Variants in IL2RB observed in about 807,000 individuals in gnomAD.
IL2RB encodes the protein interleukin-2 receptor subunit beta.
In IL2RB, 17 loss-of-function variants were observed where a neutral mutation model predicts 44.2. The observed-to-expected ratio is 0.38, with a 90% CI of 0.26 to 0.58. The LOEUF is 0.58. Ranked by LOEUF, IL2RB falls within the 20% of genes least tolerant of loss-of-function variation. The pLI, the probability that IL2RB is intolerant of heterozygous loss-of-function variation, is 0.63. For missense variants in IL2RB, 624 were observed against 685.5 expected, an observed-to-expected ratio of 0.91 and a Z score of 1.00; for synonymous variants, 286 against 297.9, an observed-to-expected ratio of 0.96 and a Z score of 0.41.
intron 1 of IL2RB, among the ~76,000 whole-genome samples, chr22:37,146,050 C>T (rs533856897): frequency 1.3e-5 from 2 of 152,324 alleles, no homozygotes; most frequent in South Asian, 2.1e-4. Context: ...ATCCCCAGCT[C>T]TTCTCCTGTC....
At position 37,126,335 on chromosome 22, in the gene IL2RB, G is replaced by A. The variant is rs895432633; in HGVS notation, c.*1761C>T. On this transcript the variant is annotated 3_prime_UTR_variant, in exon 10 of 10. Transcript: ENST00000216223. ...GTTTATTTTGGATATAAAGGCAACA[G>A]GAATCCTGACCAAATGGTCAGCAGC... 3.9e-5 allele frequency: 6 copies of A among 152,228 alleles called. No individual in the cohort carries two copies. The highest frequency in any genetic ancestry group is 1.4e-4 in the African/African-American group (6 of 41,458). The allele number at this position is 152,228 out of a possible 1,614,324, so 9.4% of individuals were successfully genotyped here. A position where few individuals can be genotyped will look rare whatever the true frequency, so the allele number is the denominator to read the frequency against.
At chr22:37,140,562 C>T (rs1275350617) in intron 4 of IL2RB, among the ~76,000 whole-genome samples, 1 of 152,038 alleles carries the variant, frequency 6.6e-6, no homozygotes, top group Admixed American at 6.5e-5. Flanking sequence ...AGAAACCAGG[C>T]CACCTACAGA....
intron 1 of IL2RB, among the ~76,000 whole-genome samples, chr22:37,165,294 G>C (rs181105210): frequency 6.6e-6 from 1 of 152,224 alleles, no homozygotes; most frequent in Non-Finnish European, 1.5e-5. Context: ...ATGGCTGGCC[G>C]CATCTGTGCC....
chr22:37,162,259 A>T (rs1922906888), intron 1 of IL2RB, among the ~76,000 whole-genome samples: 1 of 152,200 alleles, frequency 6.6e-6, no homozygotes, highest in Non-Finnish European at 1.5e-5. Context: ...GAGTAGGACC[A>T]GTGTTGTACC....
rs141735048 is a variant in IL2RB, at chr22:37,147,993, C to T, written c.-34+1832G>A. On this transcript the variant is annotated intron_variant, in intron 1 of 9. Transcript: ENST00000216223. ...GTTTTGTGTGGGTGTCACCCCAGGT[C>T]GGGCCCAGCCTCAGGATGACCCCAT... Among the ~76,000 whole-genome samples the T allele has an allele frequency of 8.4e-3, 1,272 of 152,320 alleles. 21 individuals are homozygous for T. The highest frequency in any genetic ancestry group is 0.028 in the African/African-American group (1,163 of 41,558).
intron 8 of IL2RB, among the ~76,000 whole-genome samples, chr22:37,133,124 G>C (rs1921513325): frequency 6.6e-6 from 1 of 152,256 alleles, no homozygotes; most frequent in Admixed American, 6.5e-5. Flanking sequence ...CTGCAGCGCA[G>C]TGAGCGGCCT....
chr22:37,143,624 A>T lies in IL2RB; in HGVS notation c.100T>A (p.Phe34Ile). 6.2e-7 allele frequency: 1 copy of T among 1,613,450 alleles called. No homozygotes were observed. ...GCTCTCGAGTTGTAGAAGCATGTGA[A>T]CTGGGAAGTGCCTGCCGGGCAAGAT... Reference protein sequence around the residue: ...ASAAVNGTSQFTCFYNSRANI... With the variant: ...ASAAVNGTSQITCFYNSRANI... Residue 34 changes from phenylalanine (F) to isoleucine (I), a missense_variant, in exon 3 of 10, where the codon TTC becomes ATC. By Grantham distance (21) the Phe-to-Ile change is conservative (BLOSUM62 0). This residue lies in a region of IL2RB where 78 missense variants were observed against 70.0 expected (regional missense o/e 1.11). Transcript: ENST00000216223.
chr22:37,150,937 T>C (rs1222175966), upstream of IL2RB, among the ~76,000 whole-genome samples: 3 of 152,252 alleles, frequency 2.0e-5, no homozygotes, highest in African/African-American at 4.8e-5. Flanking sequence ...AGTACTCCAT[T>C]GCATATATGT....
At chr22:37,132,582 T>G in intron 8 of IL2RB, 114 bp from the exon 9 acceptor site, 1 of 711,530 alleles carries the variant, frequency 1.4e-6, no homozygotes, top group Non-Finnish European at 2.4e-6. Context: ...CATTTACTTA[T>G]GTATTTCTTC....
In IL2RB at chr22:37,161,580, A is replaced by G. The variant is rs559391246; in HGVS notation, c.-34+13378T>C. Among the ~76,000 whole-genome samples, 7 of 126,508 alleles carry G rather than the reference A, an allele frequency of 5.5e-5. No individual in the cohort carries two copies. In the South Asian group the frequency reaches 2.3e-3, roughly 41 times the overall value. The allele number at this position is 126,508 out of a possible 152,430, so 83.0% of individuals were successfully genotyped here. A position where few individuals can be genotyped will look rare whatever the true frequency, so the allele number is the denominator to read the frequency against. On this transcript the variant is annotated intron_variant, in intron 1 of 5. Coordinates refer to the IL2RB transcript ENST00000429622. ...TCCTTCAATCAGAAGCCTCAGCTCCAGACCTCAGGCGGGGAGAGCATGTGA... is the reference window on the plus strand; with the variant it reads ...TCCTTCAATCAGAAGCCTCAGCTCCGGACCTCAGGCGGGGAGAGCATGTGA...
intron 1 of IL2RB, among the ~76,000 whole-genome samples, chr22:37,145,595 C>T (rs1006853195): frequency 6.6e-6 from 1 of 151,936 alleles, no homozygotes; most frequent in African/African-American, 2.4e-5. Context: ...AAAGTGAGCA[C>T]ATGGTCACTT....
At chr22:37,164,278 C>G (rs550120609) in intron 1 of IL2RB, among the ~76,000 whole-genome samples, 1 of 152,218 alleles carries the variant, frequency 6.6e-6, no homozygotes, top group South Asian at 2.1e-4. Context: ...CGTCAGGGCC[C>G]AGAAGAGACC....
At chr22:37,137,321 G>C (rs1367724163) in intron 6 of IL2RB, among the ~76,000 whole-genome samples, 1 of 152,236 alleles carries the variant, frequency 6.6e-6, no homozygotes, top group Non-Finnish European at 1.5e-5. Context: ...CATGGGGCTG[G>C]GCAGCTGCCT....
intron 1 of IL2RB, among the ~76,000 whole-genome samples, chr22:37,158,332 G>A (rs889331036): frequency 2.0e-5 from 3 of 152,036 alleles, no homozygotes; most frequent in Non-Finnish European, 2.9e-5. Flanking sequence ...GGCGGATCAC[G>A]AGGTCAGGAG....
Position 37,127,916 on chromosome 22 carries a change from T to G in IL2RB, c.*180A>C, listed in dbSNP as rs1259453905. 2 of 432,618 alleles carry G rather than the reference T, an allele frequency of 4.6e-6. No homozygotes were observed. The highest frequency in any genetic ancestry group is 8.0e-6 in the Non-Finnish European group (2 of 251,272). The allele number at this position is 432,618 out of a possible 1,614,324, so 26.8% of individuals were successfully genotyped here. A position where few individuals can be genotyped will look rare whatever the true frequency, so the allele number is the denominator to read the frequency against. On this transcript the variant is annotated 3_prime_UTR_variant, in exon 10 of 10. Coordinates refer to ENST00000216223, the MANE Select transcript of IL2RB (RefSeq NM_000878.5). ...GGGCAGCAGGACCCGGGAGCAGCAG[T>G]GGAGGTTTGGAAATGGATGGACCAA...
chr22:37,161,593 G>T (rs1922876640), intron 1 of IL2RB, among the ~76,000 whole-genome samples: 1 of 151,438 alleles, frequency 6.6e-6, no homozygotes, highest in Non-Finnish European at 1.5e-5. Context: ...CCTCAGGCGG[G>T]GAGAGCATGT....
intron 4 of IL2RB, among the ~76,000 whole-genome samples, chr22:37,139,682 A>C (rs1391370873): frequency 2.6e-5 from 4 of 152,144 alleles, no homozygotes; most frequent in Non-Finnish European, 5.9e-5. Flanking sequence ...AACATTTTTT[A>C]GTGTGAAAGG....
chr22:37,144,480 C>T (rs1325429996), intron 1 of IL2RB, among the ~76,000 whole-genome samples: 1 of 152,228 alleles, frequency 6.6e-6, no homozygotes, highest in Non-Finnish European at 1.5e-5. Flanking sequence ...GCGTGTGGCT[C>T]ATGCCTGTAA....
At position 37,128,828 on chromosome 22, in the gene IL2RB, G is replaced by C; in HGVS notation, c.924C>G (p.Phe308Leu). 1 of 1,608,344 alleles carries C rather than the reference G, an allele frequency of 6.2e-7. No homozygotes were observed. The highest frequency in any genetic ancestry group is 1.1e-5 in the South Asian group (1 of 90,732). The change falls in exon 10 of 10, where the codon TTC (phenylalanine) becomes TTG (leucine). Residue 308 changes from phenylalanine (F) to leucine (L), a missense_variant. Around this residue, in one of 3 missense-constraint regions of IL2RB, gnomAD observed 255 missense variants for 339.9 expected, o/e 0.75. Coordinates refer to ENST00000216223, the MANE Select transcript of IL2RB (RefSeq NM_000878.5). The surrounding 1 kb of genome is among the most constrained non-coding windows in gnomAD (Gnocchi z 4.5). The part of the protein sequence containing the change: ...GDVQKWLSSP[F>L]PSSSFSPGGL... ...CGCCAGGGCTGAAGGACGATGAGGG[G>C]AAGGGCGAAGAGAGCCACTTCTGGT...
Sources: allele counts gnomAD v4.1 joint callset (sites outside exome capture counted in the v4.1 genomes callset), GRCh38; gene constraint gnomAD v4.1.1; regional missense constraint gnomAD v4.1.1; non-coding constraint Gnocchi (gnomAD v3.1); transcripts MANE v1.5; gene names NCBI Gene and HGNC (gene_info 2026-07-23, HGNC 2026-07-21).